The following PCBP2 variants were observed in gnomAD, a reference collection of about 807,000 sequenced individuals.
PCBP2 encodes the protein poly(rC)-binding protein 2.
A neutral mutation model predicts 50.1 loss-of-function variants in PCBP2; 4 were observed. That is an observed-to-expected ratio of 0.08 (90% CI 0.04 to 0.18). The LOEUF (loss-of-function observed/expected upper bound fraction) is 0.18. PCBP2 is among the 10% of genes least tolerant of loss of function. The pLI is 1.00. For synonymous variants in PCBP2, 179 were observed against 168.0 expected, an observed-to-expected ratio of 1.07 and a Z score of -0.51; for missense variants, 161 against 474.3, an observed-to-expected ratio of 0.34 and a Z score of 6.14.
intron 14 of PCBP2, among the ~76,000 whole-genome samples, chr12:53,477,694 A>AAC (rs1942717081): frequency 7.2e-6 from 1 of 138,100 alleles, no homozygotes; most frequent in African/African-American, 2.6e-5. Flanking sequence ...AAAAAAAAAA[A>AAC]CCCTAAATAT....
chr12:53,479,438 G>C lies in PCBP2; in HGVS notation c.1085G>C (p.Ser362Thr). 1 of 1,613,740 alleles carries C rather than the reference G, an allele frequency of 6.2e-7. No homozygotes were observed. Among genetic ancestry groups the C allele is most frequent in the Non-Finnish European group, 8.5e-7 (1 of 1,179,768 alleles). The change falls in exon 15 of 15, where the codon AGC becomes ACC. Residue 362 changes from serine to threonine, a missense_variant. Physicochemically the swap from Ser to Thr is moderately conservative, Grantham distance 58. Coordinates refer to ENST00000546463, the MANE Select transcript of PCBP2 (RefSeq NM_031989.5). Reference sequence around the variant, plus strand: ...TCGGAGACGGGTGGCATGGGGAGCAGCTAGAACAATGCAGATTCATCCATA... The same window carrying C: ...TCGGAGACGGGTGGCATGGGGAGCACCTAGAACAATGCAGATTCATCCATA... Reference protein sequence around the residue: ...LSSETGGMGSS With the variant: ...LSSETGGMGST
chr12:53,478,951 C>T (rs1942859294), intron 14 of PCBP2, among the ~76,000 whole-genome samples: 1 of 152,046 alleles, frequency 6.6e-6, no homozygotes, highest in African/African-American at 2.4e-5. Context: ...AAAGTAAAGG[C>T]CTTGAGTTGT....
intron 1 of PCBP2, among the ~76,000 whole-genome samples, chr12:53,453,798 T>A (rs914259635): frequency 3.9e-4 from 60 of 152,326 alleles, no homozygotes; most frequent in African/African-American, 1.3e-3. Flanking sequence ...TTTCTACACA[T>A]AACTAGTTAC....
intron 14 of PCBP2, among the ~76,000 whole-genome samples, 197 bp downstream of exon 14, chr12:53,472,004 TGG>T (rs145529470): frequency 7.6e-6 from 1 of 130,828 alleles, no homozygotes; most frequent in Non-Finnish European, 1.6e-5. Flanking sequence ...AAGGGGTTGG[TGG>T]GGGGGGGAGC....
At position 53,460,162 on chromosome 12, in the gene PCBP2, A is replaced by G. The variant is rs189560849; in HGVS notation, c.375+759A>G. ...TTCTACATCTTTTTTTTTTTTTTTGAGACAGGGTCTCACTCAGGCTGAAGT... is the reference window on the plus strand; with the variant it reads ...TTCTACATCTTTTTTTTTTTTTTTGGGACAGGGTCTCACTCAGGCTGAAGT... On this transcript the variant is annotated intron_variant, in intron 6 of 14. Coordinates refer to ENST00000546463, the MANE Select transcript of PCBP2 (RefSeq NM_031989.5). 1.9e-5 allele frequency: 4 copies of G among 207,342 alleles called. No homozygotes were observed. The East Asian group carries it at 4.2e-4, about 22-fold the overall frequency. The allele number at this position is 207,342 out of a possible 1,614,324, so 12.8% of individuals were successfully genotyped here. A position where few individuals can be genotyped will look rare whatever the true frequency, so the allele number is the denominator to read the frequency against.
chr12:53,474,968 C>T (rs1406235606), intron 14 of PCBP2: 2 of 456,678 alleles, frequency 4.4e-6, no homozygotes, highest in Non-Finnish European at 8.8e-6. Context: ...CTTCTTCTTC[C>T]TCCTCCACCA....
intron 2 of PCBP2, 88 bp downstream of exon 2, chr12:53,454,957 T>C: frequency 9.1e-7 from 1 of 1,102,626 alleles, no homozygotes; most frequent in African/African-American, 1.5e-5. Context: ...CTCATCAGAT[T>C]AGCACTGTGG....
chr12:53,477,701 A>G (rs867874688), intron 14 of PCBP2, among the ~76,000 whole-genome samples: 63 of 150,310 alleles, frequency 4.2e-4, no homozygotes, highest in African/African-American at 1.4e-3. Context: ...AAAACCCTAA[A>G]TATTCCCTTA....
At position 53,467,216 on chromosome 12, in the gene PCBP2, T is replaced by C. The variant is rs747084708; in HGVS notation, c.715-5T>C. On this transcript the variant is annotated splice_region_variant and splice_polypyrimidine_tract_variant and intron_variant, in intron 10 of 14. Coordinates refer to ENST00000546463, the MANE Select transcript of PCBP2 (RefSeq NM_031989.5). ...TAATGCCAACCTCCTGTTTCCTCCTTGCAGTTGACCAAGCTGCACCAGTTG... is the reference window on the plus strand; with the variant it reads ...TAATGCCAACCTCCTGTTTCCTCCTCGCAGTTGACCAAGCTGCACCAGTTG... 2 of 1,612,198 alleles carry C rather than the reference T, an allele frequency of 1.2e-6. No homozygotes were observed. The highest frequency in any genetic ancestry group is 1.3e-5 in the African/African-American group (1 of 75,006).
In PCBP2 at chr12:53,456,013, C is replaced by T; in HGVS notation, c.243+12C>T. The T allele has an allele frequency of 1.4e-6, 2 of 1,430,346 alleles. No homozygotes were observed. The highest frequency in any genetic ancestry group is 2.0e-6 in the Non-Finnish European group (2 of 1,013,180). The allele number at this position is 1,430,346 out of a possible 1,614,324, so 88.6% of individuals were successfully genotyped here. On this transcript the variant is annotated intron_variant, in intron 5 of 14. Transcript: ENST00000546463. Reference sequence around the variant, plus strand: ...ACAAACTGGAAGAGGTTTGTTGTCTCCCACTCCCTCATTCTTCATTTTTAA... The same window carrying T: ...ACAAACTGGAAGAGGTTTGTTGTCTTCCACTCCCTCATTCTTCATTTTTAA...
At chr12:53,472,395 C>T (rs985326018) in intron 14 of PCBP2, among the ~76,000 whole-genome samples, 1 of 152,180 alleles carries the variant, frequency 6.6e-6, no homozygotes, top group Non-Finnish European at 1.5e-5. Flanking sequence ...CAATCTCATC[C>T]CTTAATGACT....
intron 14 of PCBP2, among the ~76,000 whole-genome samples, chr12:53,473,194 C>T (rs1418768408): frequency 1.3e-5 from 2 of 151,990 alleles, no homozygotes; most frequent in Non-Finnish European, 2.9e-5. Flanking sequence ...AGTGATTCTC[C>T]TGCCTCAGCC....
At chr12:53,475,311 A>G in intron 14 of PCBP2, 1 of 375,024 alleles carries the variant, frequency 2.7e-6, no homozygotes, top group South Asian at 2.0e-5. Context: ...TGAGCTTGTT[A>G]CCGTTTCCTT....
intron 13 of PCBP2, among the ~76,000 whole-genome samples, chr12:53,471,186 C>T (rs976315897): frequency 1.3e-5 from 2 of 151,512 alleles, no homozygotes; most frequent in Non-Finnish European, 2.9e-5. Context: ...TCCCAGGTTA[C>T]AGGGAGCACA....
chr12:53,456,214 C>G (rs569054486), intron 5 of PCBP2, among the ~76,000 whole-genome samples: 37 of 152,160 alleles, frequency 2.4e-4, no homozygotes, highest in African/African-American at 8.7e-4. Flanking sequence ...TGGCTGTAGT[C>G]CCAGCACTTT....
intron 10 of PCBP2, 72 bp downstream of exon 10, chr12:53,466,045 C>A: frequency 1.5e-6 from 2 of 1,294,754 alleles, no homozygotes; most frequent in Non-Finnish European, 2.3e-6. Context: ...TCCTCTCTCC[C>A]AAGTAGCCAG....
chr12:53,462,110 C>T (rs1941492919), intron 7 of PCBP2, among the ~76,000 whole-genome samples: 1 of 152,150 alleles, frequency 6.6e-6, no homozygotes, highest in Admixed American at 6.5e-5. Context: ...CACTTGAGTA[C>T]TTTATTTGCA....
chr12:53,471,913 A>T (rs878983178), intron 14 of PCBP2, 106 bp downstream of exon 14: 34 of 702,290 alleles, frequency 4.8e-5, no homozygotes, highest in Non-Finnish European at 6.8e-5. Context: ...ATGGGTAAAG[A>T]TGGCCAAAAG....
rs1211085976 is a variant in PCBP2, at chr12:53,467,827, G to A, written c.810G>A (p.Glu270=). 1 of 1,612,110 alleles carries A rather than the reference G, an allele frequency of 6.2e-7. No homozygotes were observed. The highest frequency in any genetic ancestry group is 8.5e-7 in the Non-Finnish European group (1 of 1,178,580). Residue 270 remains glutamate, a synonymous_variant, in exon 12 of 15, where the codon GAG becomes GAA. Coordinates refer to ENST00000546463, the MANE Select transcript of PCBP2 (RefSeq NM_031989.5). ...CAGGCATTGAATCCAGCTCTCCAGA[G>A]GTGAAAGGCTATTGGGGTAATGATT... ...GFSGIESSSP[E]VKGYWAGLDA... is the part of the protein sequence containing the mutation.
Sources: gnomAD v4.1 joint callset for allele counts (sites outside exome capture counted in the v4.1 genomes callset) on GRCh38, gnomAD v4.1.1 for gene constraint, MANE v1.5 for transcripts, NCBI Gene and HGNC (gene_info 2026-07-23, HGNC 2026-07-21) for gene names.